The following MAST4 variants were observed in gnomAD, a reference collection of about 807,000 sequenced individuals.
MAST4 encodes microtubule-associated serine/threonine-protein kinase 4.
MAST4 carries 89 observed loss-of-function variants against 162.7 expected under a neutral mutation model. The ratio of observed to expected loss-of-function variants is 0.55; its 90% CI spans 0.46 to 0.65. The LOEUF (loss-of-function observed/expected upper bound fraction) is 0.65, where lower values mean the gene tolerates loss of function less well. MAST4 is among the 30% of genes least tolerant of loss of function. The probability of loss-of-function intolerance (pLI) is 0.00; values close to 1 mark genes in which losing one functional copy is unlikely to be tolerated. For missense variants in MAST4, 3,153 were observed against 3,374.0 expected, an observed-to-expected ratio of 0.93 and a Z score of 1.62; for synonymous variants, 1,479 against 1,361.1, an observed-to-expected ratio of 1.09 and a Z score of -1.91.
intron 3 of MAST4, among the ~76,000 whole-genome samples, chr5:66,837,657 G>A (rs1198864533): frequency 6.6e-6 from 1 of 151,628 alleles, no homozygotes; most frequent in Non-Finnish European, 1.5e-5. Context: ...CTATAGTCTA[G>A]ATACAATCAC....
chr5:66,967,268 T>C (rs943048482), intron 4 of MAST4, among the ~76,000 whole-genome samples: 3 of 152,146 alleles, frequency 2.0e-5, no homozygotes, highest in Admixed American at 2.0e-4. Flanking sequence ...TTCTATTCTT[T>C]TCATAGTAAA....
chr5:66,813,952 G>T (rs538162174), intron 3 of MAST4, among the ~76,000 whole-genome samples: 90 of 152,306 alleles, frequency 5.9e-4, no homozygotes, highest in Non-Finnish European at 1.2e-3. Context: ...GTGTGATAAG[G>T]TCTTTAATTA....
Position 67,164,186 on chromosome 5 carries a change from G to A in MAST4, c.5007G>A (p.Gln1669=). The change falls in exon 29 of 29, where the codon CAG becomes CAA. Residue 1669 remains glutamine, a synonymous_variant. Coordinates refer to ENST00000403625, the MANE Select transcript of MAST4 (RefSeq NM_001164664.2). The surrounding 1 kb of genome is among the most constrained non-coding windows in gnomAD (Gnocchi z 5.3). The part of the protein sequence containing the change: ...GKGEGTEKSS[Q]AKELLRCEKL... ...GGGAAGGCACGGAGAAGTCCTCCCAGGCCAAGGAGCTTCTCCGATGTGAAA... is the reference window on the plus strand; with the variant it reads ...GGGAAGGCACGGAGAAGTCCTCCCAAGCCAAGGAGCTTCTCCGATGTGAAA... The A allele has an allele frequency of 6.2e-7, 1 of 1,612,042 alleles. No individual in the cohort carries two copies. The highest frequency in any genetic ancestry group is 8.5e-7 in the Non-Finnish European group (1 of 1,179,078).
chr5:66,975,681 A>G (rs889196707), intron 4 of MAST4, among the ~76,000 whole-genome samples: 1 of 152,158 alleles, frequency 6.6e-6, no homozygotes, highest in African/African-American at 2.4e-5. Context: ...CCCACAGTCC[A>G]GGGATGTATT....
At chr5:66,646,473 A>G (rs12517623) in intron 1 of MAST4, among the ~76,000 whole-genome samples, 37,751 of 152,120 alleles carry the variant, frequency 0.25, 4,978 homozygotes, top group Admixed American at 0.35. Context: ...AAAAAGTGAC[A>G]TTCTGTTCCT....
intron 13 of MAST4, 105 bp downstream of exon 13, chr5:67,118,854 A>G: frequency 1.5e-6 from 1 of 671,526 alleles, no homozygotes; most frequent in South Asian, 1.9e-5. Context: ...TTGTGCTTCT[A>G]TGTGAATATA....
In MAST4 at chr5:66,839,361, A is replaced by G. The variant is rs559262394; in HGVS notation, c.642+50567A>G. Reference sequence around the variant, plus strand: ...GAGCTCAAGCCTGGAGAGAGACTGTAAAGTTACCAACTATAATAATTAATT... The same window carrying G: ...GAGCTCAAGCCTGGAGAGAGACTGTGAAGTTACCAACTATAATAATTAATT... On this transcript the variant is annotated intron_variant, in intron 3 of 28. Coordinates refer to ENST00000403625, the MANE Select transcript of MAST4 (RefSeq NM_001164664.2). Among the ~76,000 whole-genome samples, 37 of 152,312 alleles carry G rather than the reference A, an allele frequency of 2.4e-4. 1 individual carries two copies. The highest frequency in any genetic ancestry group is 8.2e-4 in the African/African-American group (34 of 41,566).
intron 21 of MAST4, 44 bp downstream of exon 21, chr5:67,142,577 A>T: frequency 7.7e-6 from 10 of 1,304,302 alleles, no homozygotes; most frequent in Non-Finnish European, 1.1e-5. Flanking sequence ...CTCTGGGAGG[A>T]TCTCCCGCTG....
chr5:67,004,557 G>A, intron 4 of MAST4: 1 of 162,488 alleles, frequency 6.2e-6, no homozygotes, highest in Non-Finnish European at 1.4e-5. Flanking sequence ...ACAGCCTCCG[G>A]AACCAAAGCC....
At chr5:67,147,509 A>G (rs371444225) in intron 23 of MAST4, among the ~76,000 whole-genome samples, 2 of 152,216 alleles carry the variant, frequency 1.3e-5, no homozygotes, top group Non-Finnish European at 2.9e-5. Flanking sequence ...AACTTTATAC[A>G]TGTTTCTCTT....
At chr5:66,700,351 T>C (rs1749687498) in intron 1 of MAST4, among the ~76,000 whole-genome samples, 1 of 152,244 alleles carries the variant, frequency 6.6e-6, no homozygotes. Context: ...TTTTTTTTTG[T>C]ATTCAAATTA....
At chr5:66,893,847 G>C (rs918886426) in intron 3 of MAST4, among the ~76,000 whole-genome samples, 1 of 152,162 alleles carries the variant, frequency 6.6e-6, no homozygotes, top group African/African-American at 2.4e-5. Context: ...GCCTTCTGAT[G>C]ATTTACAGCC....
intron 2 of MAST4, among the ~76,000 whole-genome samples, chr5:66,761,077 G>A (rs1425624902): frequency 1.3e-5 from 2 of 152,124 alleles, no homozygotes; most frequent in African/African-American, 2.4e-5. Flanking sequence ...CTAACCTGTG[G>A]TATTGCCAGT....
intron 21 of MAST4, among the ~76,000 whole-genome samples, chr5:67,144,448 G>T (rs1397716103): frequency 9.7e-6 from 1 of 102,586 alleles, no homozygotes; most frequent in Non-Finnish European, 2.1e-5. Flanking sequence ...CTCCCTATTC[G>T]TATATATGTA....
At position 66,596,562 on chromosome 5, in the gene MAST4, G is replaced by T; in HGVS notation, c.-94G>T. 7.8e-7 allele frequency: 1 copy of T among 1,288,442 alleles called. No homozygotes were observed. Among genetic ancestry groups the T allele is most frequent in the South Asian group, 2.5e-5 (1 of 40,300 alleles). 79.8% of individuals were successfully genotyped at this position (1,288,442 alleles called of 1,614,324 possible). The stretch of plus-strand genomic sequence containing the variant: ...GCAGCCCGGGAGCGGCAGTGCCAGT[G>T]AGCCTGAGCCCAGGAGCCCGCGTCT... On this transcript the variant is annotated 5_prime_UTR_variant, in exon 1 of 29. Coordinates refer to ENST00000403625, the MANE Select transcript of MAST4 (RefSeq NM_001164664.2).
intron 4 of MAST4, among the ~76,000 whole-genome samples, chr5:67,012,910 G>A (rs1003158214): frequency 6.6e-6 from 1 of 152,016 alleles, no homozygotes; most frequent in African/African-American, 2.4e-5. Context: ...GACATATCAT[G>A]GTTTTATTTT....
At chr5:66,855,322 A>G (rs7705791) in intron 3 of MAST4, among the ~76,000 whole-genome samples, 6,574 of 152,246 alleles carry the variant, frequency 0.043, 497 homozygotes, top group African/African-American at 0.15. Flanking sequence ...CGCTATGATT[A>G]AAAGCTCCCT....
At chr5:66,739,077 A>G (rs3111626) in intron 1 of MAST4, among the ~76,000 whole-genome samples, 116,282 of 152,130 alleles carry the variant, frequency 0.76, 45,741 homozygotes, top group African/African-American at 0.94. Context: ...AAAAAAGGCC[A>G]TCACTTAAAT....
chr5:66,818,611 C>G (rs1432554533), intron 3 of MAST4, among the ~76,000 whole-genome samples: 1 of 152,066 alleles, frequency 6.6e-6, no homozygotes, highest in Non-Finnish European at 1.5e-5. Flanking sequence ...TTCTGTTTCT[C>G]CCACTATATG....
Sources: gnomAD v4.1 joint callset for allele counts (sites outside exome capture counted in the v4.1 genomes callset) on GRCh38, gnomAD v4.1.1 for gene constraint, Gnocchi (gnomAD v3.1) non-coding constraint, MANE v1.5 for transcripts, NCBI Gene and HGNC (gene_info 2026-07-23, HGNC 2026-07-21) for gene names.